Variants in B4GALT4 observed in about 807,000 individuals in gnomAD.
B4GALT4 encodes the protein beta-1,4-galactosyltransferase 4.
Under a neutral mutation model 37.3 loss-of-function variants are expected in B4GALT4, and 27 were observed. That is an observed-to-expected ratio of 0.72 (90% confidence interval 0.53 to 1.00). The LOEUF is 1.00. Ranked by LOEUF, B4GALT4 falls within the 50% of genes least tolerant of loss-of-function variation. The pLI is 0.00. For synonymous variants in B4GALT4, 148 were observed against 154.1 expected (o/e 0.96, Z 0.29); for missense variants, 372 against 413.1 (o/e 0.90, Z 0.86).
At chr3:119,229,743 T>C (rs1435126935) in intron 3 of B4GALT4, 104 bp downstream of exon 3, 12 of 1,210,100 alleles carry the variant, frequency 9.9e-6, no homozygotes, top group Admixed American at 2.5e-5. Context: ...AGGAGATATA[T>C]ATATTTATGG....
chr3:119,213,862 G>C (rs921920165), intron 7 of B4GALT4: 2 of 152,144 alleles, frequency 1.3e-5, no homozygotes, highest in African/African-American at 4.8e-5. Context: ...ATAGAAAATA[G>C]AAATAGCTAT....
rs1373955671 is a variant in B4GALT4, at chr3:119,229,989, G to A, written c.111C>T (p.Ala37=). 1 of 1,614,144 alleles carries A rather than the reference G, an allele frequency of 6.2e-7. No homozygotes were observed. The highest frequency in any genetic ancestry group is 8.5e-7 in the Non-Finnish European group (1 of 1,180,036). The change falls in exon 3 of 8, where the codon GCC becomes GCT. Residue 37 remains alanine, a synonymous_variant. Coordinates refer to ENST00000393765, the MANE Select transcript of B4GALT4 (RefSeq NM_003778.4). Reference sequence around the variant, plus strand: ...CCTTTGCTTTAGGAATCTCTTGAATGGCACCCACGAAGTAGTTACTGGTGG... The same window carrying A: ...CCTTTGCTTTAGGAATCTCTTGAATAGCACCCACGAAGTAGTTACTGGTGG... ...GWATSNYFVG[A]IQEIPKAKEF...
Position 119,217,580 on chromosome 3 carries a change from C to A in B4GALT4, c.797+1070G>T, listed in dbSNP as rs193015384. 6.6e-5 allele frequency among the ~76,000 whole-genome samples: 10 copies of A among 152,308 alleles called. No homozygotes were observed. The East Asian group carries it at 1.9e-3, about 29-fold the overall frequency. Reference sequence around the variant, plus strand: ...TTCCAGCCAGGCACAGTGGCTCACACCTGTAATCCCAACACTTTGGGAGGC... The same window carrying A: ...TTCCAGCCAGGCACAGTGGCTCACAACTGTAATCCCAACACTTTGGGAGGC... On this transcript the variant is annotated intron_variant, in intron 6 of 7. Coordinates refer to ENST00000393765, the MANE Select transcript of B4GALT4 (RefSeq NM_003778.4).
In B4GALT4 at chr3:119,228,808, G is replaced by A. The variant is rs1436787788; in HGVS notation, c.253+1039C>T. Among the ~76,000 whole-genome samples, 8 of 137,712 alleles carry A rather than the reference G, an allele frequency of 5.8e-5. No homozygotes were observed. In the East Asian group the frequency reaches 1.5e-3, roughly 27 times the overall value. 90.3% of individuals were successfully genotyped at this position (137,712 alleles called of 152,430 possible). A position where few individuals can be genotyped will look rare whatever the true frequency, so the allele number is the denominator to read the frequency against. On this transcript the variant is annotated intron_variant, in intron 3 of 7. Transcript: ENST00000393765. ...ATCATCATAAGGGTGGAGCTGCCAG[G>A]TGGGATTAAAGCACTTATAAAAAGA...
intron 5 of B4GALT4, among the ~76,000 whole-genome samples, 159 bp from the exon 6 acceptor site, chr3:119,218,931 C>T (rs1456911238): frequency 1.3e-5 from 2 of 152,028 alleles, no homozygotes; most frequent in Admixed American, 1.3e-4. Context: ...CCTGGCCTTC[C>T]CTGTCTTGTC....
intron 1 of B4GALT4, among the ~76,000 whole-genome samples, chr3:119,238,746 A>G (rs534710799): frequency 6.6e-6 from 1 of 152,354 alleles, no homozygotes; most frequent in East Asian, 1.9e-4. Flanking sequence ...ATCCACTGTC[A>G]GTCTTGCAAC....
intron 5 of B4GALT4, among the ~76,000 whole-genome samples, chr3:119,223,229 C>G (rs1007007459): frequency 6.6e-6 from 1 of 152,220 alleles, no homozygotes; most frequent in South Asian, 2.1e-4. Context: ...TGACACTCAA[C>G]GGGGAGCCCT....
Position 119,226,952 on chromosome 3 carries a change from G to A in B4GALT4, c.343C>T (p.Pro115Ser). 1 of 1,614,158 alleles carries A rather than the reference G, an allele frequency of 6.2e-7. No individual in the cohort carries two copies. Among genetic ancestry groups the A allele is most frequent in the South Asian group, 1.1e-5 (1 of 91,084 alleles). ...NPKVSRGRYRPQECKALQRVA... is the reference protein window; with the variant it reads ...NPKVSRGRYRSQECKALQRVA... ...CTCTGTAAAGCTTTACATTCCTGAGGGCGATACCGGCCTCTGGACACTTTG... is the reference window on the plus strand; with the variant it reads ...CTCTGTAAAGCTTTACATTCCTGAGAGCGATACCGGCCTCTGGACACTTTG... Residue 115 changes from proline to serine, a missense_variant, in exon 4 of 8, where the codon CCT becomes TCT. Transcript: ENST00000393765.
intron 5 of B4GALT4, among the ~76,000 whole-genome samples, chr3:119,219,547 G>A (rs1477719346): frequency 6.6e-6 from 1 of 152,246 alleles, no homozygotes; most frequent in African/African-American, 2.4e-5. Flanking sequence ...TACAGATATG[G>A]CTTTGGAAAT....
At position 119,229,834 on chromosome 3, in the gene B4GALT4, A is replaced by G; in HGVS notation, c.253+13T>C. On this transcript the variant is annotated intron_variant, in intron 3 of 7. Transcript: ENST00000393765. ...TGCATACTACTTAATCAAAGGAAAA[A>G]AGCAACACTTACTGAGGTAAGGAGA... is the stretch of plus-strand genomic sequence containing the variant. The G allele has an allele frequency of 1.9e-6, 3 of 1,611,478 alleles. No homozygotes were observed. The highest frequency in any genetic ancestry group is 2.5e-6 in the Non-Finnish European group (3 of 1,178,544).
intron 1 of B4GALT4, among the ~76,000 whole-genome samples, chr3:119,238,196 G>C (rs1263876955): frequency 6.6e-6 from 1 of 151,336 alleles, no homozygotes; most frequent in Non-Finnish European, 1.5e-5. Flanking sequence ...GAACCCGGGA[G>C]GCGGAGGCTG....
intron 7 of B4GALT4, chr3:119,213,451 G>A (rs1448821350): frequency 6.6e-6 from 1 of 152,198 alleles, no homozygotes; most frequent in African/African-American, 2.4e-5. Context: ...GCTAAATAAA[G>A]TCAGAGAAGA....
At chr3:119,220,533 A>G (rs13094747) in intron 5 of B4GALT4, among the ~76,000 whole-genome samples, 16,744 of 152,226 alleles carry the variant, frequency 0.11, 1,036 homozygotes, top group East Asian at 0.24. Flanking sequence ...CCACATCAGG[A>G]GGAGGGGGCC....
In B4GALT4 at chr3:119,212,355, A is replaced by C; in HGVS notation, c.*194T>G. 3.1e-6 allele frequency: 2 copies of C among 643,726 alleles called. No individual in the cohort carries two copies. Among genetic ancestry groups the C allele is most frequent in the Non-Finnish European group, 5.5e-6 (2 of 364,964 alleles). The allele number at this position is 643,726 out of a possible 1,614,324, so 39.9% of individuals were successfully genotyped here. ...TTAACCCTCATGATCAAAATGACTA[A>C]GAAAGCTGTCTTGTTACAACTGTTT... is the stretch of plus-strand genomic sequence containing the variant. On this transcript the variant is annotated 3_prime_UTR_variant, in exon 8 of 8. Coordinates refer to ENST00000393765, the MANE Select transcript of B4GALT4 (RefSeq NM_003778.4).
chr3:119,220,044 A>T (rs551426191), intron 5 of B4GALT4, among the ~76,000 whole-genome samples: 38 of 152,366 alleles, frequency 2.5e-4, no homozygotes, highest in African/African-American at 8.9e-4. Flanking sequence ...GCTAATCTGT[A>T]GTTCAGTTGT....
chr3:119,224,057 C>T lies in B4GALT4; in HGVS notation c.674+1G>A. On this transcript the variant is annotated splice_donor_variant, in intron 5 of 7. Transcript: ENST00000393765. LOFTEE classifies it high-confidence loss of function. Reference sequence around the variant, plus strand: ...AGCCACCCTCAGCAGAACCACCTTACCTGTACCCAGTGCTGTTCCTGCCAA... The same window carrying T: ...AGCCACCCTCAGCAGAACCACCTTATCTGTACCCAGTGCTGTTCCTGCCAA... The T allele has an allele frequency of 6.2e-7, 1 of 1,611,450 alleles. No individual in the cohort carries two copies. The highest frequency in any genetic ancestry group is 1.1e-5 in the South Asian group (1 of 90,438).
At chr3:119,222,560 C>A (rs2078480983) in intron 5 of B4GALT4, among the ~76,000 whole-genome samples, 1 of 152,202 alleles carries the variant, frequency 6.6e-6, no homozygotes, top group African/African-American at 2.4e-5. Flanking sequence ...GTGTCAACAG[C>A]TCCCCAACCC....
At position 119,225,986 on chromosome 3, in the gene B4GALT4, T is replaced by C. The variant is rs111596711; in HGVS notation, c.486+823A>G. ...CCTCTGAGTTGTCCAAAGTTTTATC[T>C]AAAAGAAATATTACCTGTTCTAACA... On this transcript the variant is annotated intron_variant, in intron 4 of 7. Coordinates refer to ENST00000393765, the MANE Select transcript of B4GALT4 (RefSeq NM_003778.4). 1.5e-3 allele frequency among the ~76,000 whole-genome samples: 228 copies of C among 152,342 alleles called. 1 individual carries two copies. The highest frequency in any genetic ancestry group is 5.6e-3 in the East Asian group (29 of 5,192).
At chr3:119,235,133 A>G (rs2107541925) in intron 2 of B4GALT4, 2 of 152,368 alleles carry the variant, frequency 1.3e-5, no homozygotes, top group Non-Finnish European at 2.9e-5. Flanking sequence ...CTTGAATATA[A>G]GTGATAGGTA....
Sources: allele counts gnomAD v4.1 joint callset (sites outside exome capture counted in the v4.1 genomes callset), GRCh38; gene constraint gnomAD v4.1.1; transcripts MANE v1.5; gene names NCBI Gene and HGNC (gene_info 2026-07-23, HGNC 2026-07-21).